MARF1: variants seen among roughly 807,000 people sequenced by gnomAD.
MARF1 encodes limkain-b1.
A neutral mutation model predicts 168.2 loss-of-function variants in MARF1; 24 were observed. The ratio of observed to expected loss-of-function variants is 0.14; its 90% confidence interval spans 0.10 to 0.20. MARF1 has a LOEUF of 0.20. Among genes scored for constraint, MARF1 ranks in the 10% least tolerant of loss-of-function variants. The pLI is 1.00. For missense variants in MARF1, 1,744 were observed against 2,143.6 expected, an observed-to-expected ratio of 0.81 and a Z score of 3.68; for synonymous variants, 868 against 822.4, an observed-to-expected ratio of 1.06 and a Z score of -0.95.
At position 15,636,096 on chromosome 16, in the gene MARF1, G is replaced by C; in HGVS notation, c.391C>G (p.His131Asp). The C allele has an allele frequency of 6.2e-7, 1 of 1,614,256 alleles. No individual in the cohort carries two copies. Among genetic ancestry groups the C allele is most frequent in the Non-Finnish European group, 8.5e-7 (1 of 1,180,046 alleles). ...TGCGAGTCTAACAGTGCGCCCGGGT[G>C]AATCAAGCTACTGGTACCTCCGCTA... is the stretch of plus-strand genomic sequence containing the variant. Reference protein sequence around the residue: ...GGSGGTSSLIHPGALLDSQST... With the variant: ...GGSGGTSSLIDPGALLDSQST... Residue 131 changes from histidine to aspartate, a missense_variant, in exon 3 of 27, where the codon CAC becomes GAC. Coordinates refer to ENST00000396368, the MANE Select transcript of MARF1 (RefSeq NM_014647.4).
At chr16:15,607,484 G>A (rs1706919159) in intron 21 of MARF1, among the ~76,000 whole-genome samples, 1 of 152,178 alleles carries the variant, frequency 6.6e-6, no homozygotes, top group Non-Finnish European at 1.5e-5. Context: ...GGGAGGCGGA[G>A]GTTGCAGTGA....
Position 15,643,105 on chromosome 16 carries a change from C to A in MARF1, c.-146G>T, listed in dbSNP as rs2036162154. On this transcript the variant is annotated 5_prime_UTR_variant, in exon 1 of 27. Coordinates refer to ENST00000396368, the MANE Select transcript of MARF1 (RefSeq NM_014647.4). Reference sequence around the variant, plus strand: ...AGGCCCTTTGTTTTGATTCCCGACTCCGCAGCTCCCGCCGCCGCCGCCAAG... The same window carrying A: ...AGGCCCTTTGTTTTGATTCCCGACTACGCAGCTCCCGCCGCCGCCGCCAAG... The A allele has an allele frequency of 3.5e-6, 1 of 281,882 alleles. No homozygotes were observed. Among genetic ancestry groups the A allele is most frequent in the African/African-American group, 2.4e-5 (1 of 41,732 alleles). 17.5% of individuals were successfully genotyped at this position (281,882 alleles called of 1,614,324 possible). A position where few individuals can be genotyped will look rare whatever the true frequency, so the allele number is the denominator to read the frequency against.
At chr16:15,601,502 T>G (rs899286592) in intron 23 of MARF1, 6 of 228,836 alleles carry the variant, frequency 2.6e-5, no homozygotes, top group African/African-American at 1.1e-4. Flanking sequence ...CAGCTCCCTC[T>G]TAGCCTCTCG....
rs777988096 is a variant in MARF1 at position 15,621,820 on chromosome 16, T to C, written c.2552A>G (p.Asn851Ser). Residue 851 changes from asparagine (N) to serine (S), a missense_variant, in exon 12 of 27, where the codon AAT (asparagine) becomes AGT (serine). Asn to Ser is a conservative substitution (Grantham distance 46). This residue lies in a region of MARF1 where 543 missense variants were observed against 742.1 expected (regional missense o/e 0.73). Transcript: ENST00000396368. ...ENLQDAIGAVNSLHRYKIGSK... is the reference protein window; with the variant it reads ...ENLQDAIGAVSSLHRYKIGSK... Reference sequence around the variant, plus strand: ...GCCAATTTTGTATCTGTGGAGGCTATTCACTGCACCGATCGCATCTTGTAA... The same window carrying C: ...GCCAATTTTGTATCTGTGGAGGCTACTCACTGCACCGATCGCATCTTGTAA... 68 of 1,614,052 alleles carry C rather than the reference T, an allele frequency of 4.2e-5. No individual in the cohort carries two copies. The highest frequency in any genetic ancestry group is 5.6e-5 in the Non-Finnish European group (66 of 1,180,034).
intron 21 of MARF1, among the ~76,000 whole-genome samples, chr16:15,605,582 A>G (rs2032939081): frequency 1.3e-5 from 2 of 152,128 alleles, no homozygotes; most frequent in Non-Finnish European, 2.9e-5. Flanking sequence ...TGCTTAGGAA[A>G]GAAACCAAAC....
intron 7 of MARF1, among the ~76,000 whole-genome samples, chr16:15,626,729 G>T (rs1339509672): frequency 3.9e-5 from 6 of 152,144 alleles, no homozygotes; most frequent in Admixed American, 3.3e-4. Flanking sequence ...GGAGGCCAAG[G>T]CAGGTGGATC....
At position 15,633,788 on chromosome 16, in the gene MARF1, T is replaced by A. The variant is rs906992595; in HGVS notation, c.1062A>T (p.Gly354=). 6.2e-7 allele frequency: 1 copy of A among 1,613,928 alleles called. No individual in the cohort carries two copies. Among genetic ancestry groups the A allele is most frequent in the African/African-American group, 1.3e-5 (1 of 74,870 alleles). The change falls in exon 5 of 27, where the codon GGA becomes GGT. Residue 354 remains glycine, a synonymous_variant. Transcript: ENST00000396368. Reference sequence around the variant, plus strand: ...AGCAGTTTTCAATATCCCAAAAAACTCCAATGGGGGGTAAGTTTTCTAGCA... The same window carrying A: ...AGCAGTTTTCAATATCCCAAAAAACACCAATGGGGGGTAAGTTTTCTAGCA... ...GQVLENLPPI[G]VFWDIENCSV...
intron 18 of MARF1, 130 bp downstream of exon 18, chr16:15,611,462 A>AC (rs1171247403): frequency 2.3e-6 from 2 of 858,384 alleles, no homozygotes; most frequent in East Asian, 2.8e-5. Context: ...AAAAAAAAAA[A>AC]AAACAAAAAA....
At chr16:15,633,922 C>T in intron 4 of MARF1, 79 bp from the exon 5 acceptor site, 1 of 1,192,878 alleles carries the variant, frequency 8.4e-7, no homozygotes, top group South Asian at 1.5e-5. Flanking sequence ...AACTACCTAT[C>T]ATTCTCAGTG....
At chr16:15,604,510 AAT>A in intron 21 of MARF1, 112 bp from the exon 22 acceptor site, 1 of 693,824 alleles carries the variant, frequency 1.4e-6, no homozygotes, top group Non-Finnish European at 2.4e-6. Flanking sequence ...AAAAATCTCT[AAT>A]TTTTTTCTCT....
intron 1 of MARF1, among the ~76,000 whole-genome samples, chr16:15,639,696 C>G (rs902289216): frequency 1.3e-5 from 2 of 151,870 alleles, no homozygotes; most frequent in African/African-American, 4.8e-5. Context: ...CCACTGCGCC[C>G]GGCCAACAAT....
intron 7 of MARF1, among the ~76,000 whole-genome samples, chr16:15,627,554 T>G (rs1035659346): frequency 3.3e-5 from 5 of 152,004 alleles, no homozygotes; most frequent in Non-Finnish European, 2.9e-5. Flanking sequence ...GCAGGTGGAG[T>G]CTGCAGTAAG....
intron 6 of MARF1, among the ~76,000 whole-genome samples, 194 bp downstream of exon 6, chr16:15,631,187 A>G (rs2035229806): frequency 1.3e-5 from 2 of 152,220 alleles, no homozygotes; most frequent in East Asian, 3.8e-4. Flanking sequence ...CAATAACTCA[A>G]GTTCCAAGGA....
Position 15,625,353 on chromosome 16 carries a change from C to A in MARF1, c.1953+19G>T. 6.3e-7 allele frequency: 1 copy of A among 1,586,240 alleles called. No individual in the cohort carries two copies. The highest frequency in any genetic ancestry group is 8.6e-7 in the Non-Finnish European group (1 of 1,167,226). On this transcript the variant is annotated intron_variant, in intron 8 of 26. Coordinates refer to ENST00000396368, the MANE Select transcript of MARF1 (RefSeq NM_014647.4). ...CAAACCTACCATAAACTTCAGAAAG[C>A]AAGAGGTATCAAAATTACCTGTAAA...
rs1363478382 is a variant in MARF1, at chr16:15,636,183, A to C, written c.304T>G (p.Cys102Gly). 1 of 1,614,258 alleles carries C rather than the reference A, an allele frequency of 6.2e-7. No individual in the cohort carries two copies. The change falls in exon 3 of 27, where the codon TGT becomes GGT. Residue 102 changes from cysteine to glycine, a missense_variant. Cys to Gly is a radical substitution (Grantham distance 159). Coordinates refer to ENST00000396368, the MANE Select transcript of MARF1 (RefSeq NM_014647.4). ...GAGGGTTCATTAGGGCAATGAGCAC[A>C]GCAGCTTACTTTGGGGACAGAAGAA... ...QLSSVPKVSC[C>G]AHCPNEPSTS...
chr16:15,630,520 C>G lies in MARF1; in HGVS notation c.1352-16G>C. 1 of 1,598,490 alleles carries G rather than the reference C, an allele frequency of 6.3e-7. No individual in the cohort carries two copies. Among genetic ancestry groups the G allele is most frequent in the Non-Finnish European group, 8.5e-7 (1 of 1,171,470 alleles). ...TTGACATCAGCTGAAAGAAAAGGTA[C>G]AGACCAACCCCATCCCCAAACATTA... is the stretch of plus-strand genomic sequence containing the variant. On this transcript the variant is annotated splice_polypyrimidine_tract_variant and intron_variant, in intron 6 of 26. Coordinates refer to ENST00000396368, the MANE Select transcript of MARF1 (RefSeq NM_014647.4).
Position 15,633,175 on chromosome 16 carries a change from C to CCACACACACACACACA in MARF1, c.1233+426_1233+441dup, listed in dbSNP as rs140240605. On this transcript the variant is annotated intron_variant, in intron 5 of 26. Coordinates refer to ENST00000396368, the MANE Select transcript of MARF1 (RefSeq NM_014647.4). ...CAGAATTCTAAAAAAAAAAAAAACACCACACACACACACACACACACACAC... is the reference window on the plus strand; with the variant it reads ...CAGAATTCTAAAAAAAAAAAAAACACCACACACACACACACACACACACACACACACACACACACAC... Among the ~76,000 whole-genome samples the CCACACACACACACACA allele has an allele frequency of 4.0e-3, 549 of 136,948 alleles. 7 individuals carry two copies. The highest frequency in any genetic ancestry group is 0.027 in the South Asian group (112 of 4,196). The allele number at this position is 136,948 out of a possible 152,430, so 89.8% of individuals were successfully genotyped here.
intron 23 of MARF1, chr16:15,601,459 C>T (rs1288756914): frequency 4.5e-6 from 1 of 223,988 alleles, no homozygotes; most frequent in African/African-American, 2.3e-5. Flanking sequence ...CCCTCCTTAC[C>T]TGGAGGAGCC....
intron 5 of MARF1, among the ~76,000 whole-genome samples, chr16:15,632,941 TCTACGTGC>T (rs1259205590): frequency 2.6e-5 from 4 of 152,122 alleles, no homozygotes; most frequent in African/African-American, 4.8e-5. Flanking sequence ...AATTATATAT[TCTACGTGC>T]CTGGTTCAAA....
Sources: allele counts gnomAD v4.1 joint callset (sites outside exome capture counted in the v4.1 genomes callset), GRCh38; gene constraint gnomAD v4.1.1; regional missense constraint gnomAD v4.1.1; transcripts MANE v1.5; gene names NCBI Gene and HGNC (gene_info 2026-07-23, HGNC 2026-07-21).